The following TTN variants were observed in gnomAD, a reference collection of about 807,000 sequenced individuals.
TTN encodes titin.
In TTN, 1,525 loss-of-function variants were observed where a neutral mutation model predicts 3,223.0. The ratio of observed to expected loss-of-function variants is 0.47; its 90% CI spans 0.45 to 0.49. The LOEUF (loss-of-function observed/expected upper bound fraction) is 0.49. Among genes scored for constraint, TTN ranks in the 20% least tolerant of loss-of-function variants. The pLI is 0.00. For synonymous variants in TTN, 14,094 were observed against 15,161.0 expected (o/e 0.93, Z 5.17); for missense variants, 40,786 against 43,424.0 (o/e 0.94, Z 5.40).
In TTN at chr2:178,583,851, G is replaced by C. The variant is rs779897187; in HGVS notation, c.65331C>G (p.Ile21777Met). Residue 21777 changes from isoleucine (I) to methionine (M), a missense_variant, in exon 312 of 363, where the codon ATC (isoleucine) becomes ATG (methionine). Transcript: ENST00000589042. ...CTCCATCATGCTTTGGACGAGCCCA[G>C]ATCAGAGATACAGTACTCTTGGTGA... is the stretch of plus-strand genomic sequence containing the variant. Reference protein sequence around the residue: ...IDVTKSTVSLIWARPKHDGGS... With the variant: ...IDVTKSTVSLMWARPKHDGGS... The C allele has an allele frequency of 6.2e-7, 1 of 1,608,378 alleles. No homozygotes were observed. Among genetic ancestry groups the C allele is most frequent in the South Asian group, 1.1e-5 (1 of 89,968 alleles).
At position 178,536,085 on chromosome 2, in the gene TTN, C is replaced by CTGG; in HGVS notation, c.100659_100661dup (p.His33553dup). The CTGG allele has an allele frequency of 1.2e-6, 2 of 1,610,058 alleles. No individual in the cohort carries two copies. The highest frequency in any genetic ancestry group is 1.7e-6 in the Non-Finnish European group (2 of 1,177,086). ...CATCTGTGACACTTGCAATGATGAG[C>CTGG]TGGTGGTAGCCACCCTTAAATTCTT... On this transcript the variant is annotated inframe_insertion, in exon 357 of 363. Coordinates refer to ENST00000589042, the MANE Select transcript of TTN (RefSeq NM_001267550.2).
intron 49 of TTN, chr2:178,737,380 A>C (rs1264557091): frequency 6.6e-6 from 1 of 151,846 alleles, no homozygotes; most frequent in African/African-American, 2.4e-5. Flanking sequence ...GGCTTACTGC[A>C]ACCTCTGCCT....
Position 178,704,771 on chromosome 2 carries a change from T to C in TTN, c.29701A>G (p.Thr9901Ala). The C allele has an allele frequency of 1.2e-6, 2 of 1,609,480 alleles. No homozygotes were observed. The highest frequency in any genetic ancestry group is 1.7e-6 in the Non-Finnish European group (2 of 1,178,808). The change falls in exon 105 of 363, where the codon ACT becomes GCT. Residue 9901 changes from threonine to alanine, a missense_variant. Thr to Ala is a moderately conservative substitution (Grantham distance 58). Transcript: ENST00000589042. ...QQRLSQTEPVTLIKDIENQTV... is the reference protein window; with the variant it reads ...QQRLSQTEPVALIKDIENQTV... Reference sequence around the variant, plus strand: ...TGATTTTCAATGTCCTTGATCAGAGTGACAGGCTAGGAGAATAAAGAATTA... The same window carrying C: ...TGATTTTCAATGTCCTTGATCAGAGCGACAGGCTAGGAGAATAAAGAATTA...
chr2:178,646,625 A>G (rs1451426849), intron 215 of TTN, 66 bp from the exon 216 acceptor site: 1 of 884,528 alleles, frequency 1.1e-6, no homozygotes. Flanking sequence ...ACTCATACAA[A>G]TTTCACATTG....
Position 178,748,695 on chromosome 2 carries a change from C to A in TTN, c.11311+4429G>T, listed in dbSNP as rs372994805. The A allele has an allele frequency of 1.9e-6, 3 of 1,612,554 alleles. No homozygotes were observed. The highest frequency in any genetic ancestry group is 2.5e-6 in the Non-Finnish European group (3 of 1,179,264). On this transcript the variant is annotated intron_variant, in intron 47 of 362. Coordinates refer to ENST00000589042, the MANE Select transcript of TTN (RefSeq NM_001267550.2). ...TTTAAGTCAAATGTAATAGGTGATT[C>A]ATGTTCAGCTCTTTTAGAAATTGCA...
rs2051400196 is a variant in TTN at position 178,595,787 on chromosome 2, T to TTCCAG, written c.57566_57567insCTGGA (p.Pro19190TrpfsTer5). 6.2e-7 allele frequency: 1 copy of TTCCAG among 1,605,262 alleles called. No homozygotes were observed. The highest frequency in any genetic ancestry group is 1.7e-5 in the Admixed American group (1 of 58,860). ...TGGTTAGGTTGTGAGCTAGGAATGG[T>TTCCAG]GTTCCAACGGGACCTGGAACATCTG... On this transcript the variant is annotated frameshift_variant, in exon 295 of 363. Transcript: ENST00000589042. LOFTEE classifies it high-confidence loss of function.
intron 6 of TTN, chr2:178,799,039 C>T (rs2093913443): frequency 5.6e-6 from 1 of 180,034 alleles, no homozygotes; most frequent in Non-Finnish European, 1.2e-5. Flanking sequence ...TATTCAGTAA[C>T]TTCTTGGTTT....
At chr2:178,715,867 T>C in intron 88 of TTN, 93 bp from the exon 89 acceptor site, 1 of 1,310,720 alleles carries the variant, frequency 7.6e-7, no homozygotes, top group Non-Finnish European at 1.0e-6. Context: ...GCTAGAGAGG[T>C]CTTTAGCTCT....
chr2:178,693,860 A>G, intron 118 of TTN, 62 bp downstream of exon 118: 2 of 1,439,914 alleles, frequency 1.4e-6, no homozygotes, highest in Non-Finnish European at 1.9e-6. Context: ...AGACAACAAG[A>G]GGGATAAAAA....
At chr2:178,674,255 C>A in intron 151 of TTN, 59 bp downstream of exon 151, 1 of 989,286 alleles carries the variant, frequency 1.0e-6, no homozygotes. Flanking sequence ...GATTTAGCTA[C>A]TGAGAAAGAT....
At chr2:178,790,356 C>T (rs963360693) in intron 11 of TTN, among the ~76,000 whole-genome samples, 6 of 152,134 alleles carry the variant, frequency 3.9e-5, no homozygotes, top group African/African-American at 1.2e-4. Flanking sequence ...CTAATGAGTG[C>T]TATTTTGTAC....
intron 13 of TTN, among the ~76,000 whole-genome samples, chr2:178,788,176 C>T (rs2093307223): frequency 6.6e-6 from 1 of 152,054 alleles, no homozygotes; most frequent in Non-Finnish European, 1.5e-5. Flanking sequence ...TCCATAGCAT[C>T]AGTTTTCATC....
chr2:178,696,454 A>T (rs2073744661), intron 113 of TTN, among the ~76,000 whole-genome samples, 185 bp from the exon 114 acceptor site: 1 of 150,984 alleles, frequency 6.6e-6, no homozygotes, highest in Non-Finnish European at 1.5e-5. Context: ...ATCAAGATGC[A>T]TTCTACTCTT....
At position 178,548,276 on chromosome 2, in the gene TTN, G is replaced by A. The variant is rs1185315737; in HGVS notation, c.93350C>T (p.Pro31117Leu). 5 of 1,613,732 alleles carry A rather than the reference G, an allele frequency of 3.1e-6. No homozygotes were observed. The highest frequency in any genetic ancestry group is 4.2e-6 in the Non-Finnish European group (5 of 1,179,822). Residue 31117 changes from proline to leucine, a missense_variant, in exon 339 of 363, where the codon CCT becomes CTT. Coordinates refer to ENST00000589042, the MANE Select transcript of TTN (RefSeq NM_001267550.2). The surrounding 1 kb of genome is among the most constrained non-coding windows in gnomAD (Gnocchi z 4.3). ...PIVATEQPAPPRRLDVVDTSK... is the reference protein window; with the variant it reads ...PIVATEQPAPLRRLDVVDTSK... The stretch of plus-strand genomic sequence containing the variant: ...AGTATCAACAACATCAAGTCTCCTA[G>A]GTGGAGCAGGCTGTTCTGTGGCTAC...
intron 151 of TTN, 47 bp from the exon 152 acceptor site, chr2:178,673,757 C>A (rs775945776): frequency 1.5e-6 from 2 of 1,319,770 alleles, no homozygotes; most frequent in Non-Finnish European, 2.1e-6. Context: ...ATGTGATGAG[C>A]AGAACACCAC....
chr2:178,736,760 C>T (rs188929806), intron 49 of TTN, among the ~76,000 whole-genome samples: 72 of 152,208 alleles, frequency 4.7e-4, no homozygotes, highest in Non-Finnish European at 8.5e-4. Flanking sequence ...AAGAAACTTC[C>T]AAACGCGTCA....
At position 178,615,290 on chromosome 2, in the gene TTN, C is replaced by A. The variant is rs939726290; in HGVS notation, c.48638+17G>T. ...CTAGGAGTACACATTTACTCTCATG[C>A]CAAATTAAAAACCTACTTTGTTTCT... On this transcript the variant is annotated intron_variant, in intron 259 of 362. Coordinates refer to ENST00000589042, the MANE Select transcript of TTN (RefSeq NM_001267550.2). The A allele has an allele frequency of 1.9e-6, 3 of 1,611,448 alleles. No homozygotes were observed. Among genetic ancestry groups the A allele is most frequent in the Middle Eastern group, 3.3e-4 (2 of 6,062 alleles).
In TTN at chr2:178,608,802, G is replaced by C; in HGVS notation, c.52209C>G (p.Asn17403Lys). Residue 17403 changes from asparagine to lysine, a missense_variant, in exon 274 of 363, where the codon AAC becomes AAG. Transcript: ENST00000589042. ...TCTTGTCTTTCTTTTCCAAAGTGTAGTTTATGATTTCACTGCCACCATCAT... is the reference window on the plus strand; with the variant it reads ...TCTTGTCTTTCTTTTCCAAAGTGTACTTTATGATTTCACTGCCACCATCAT... ...PLDDGGSEII[N>K]YTLEKKDKTK... The C allele has an allele frequency of 1.2e-6, 2 of 1,612,560 alleles. No homozygotes were observed. The highest frequency in any genetic ancestry group is 8.5e-7 in the Non-Finnish European group (1 of 1,179,240).
At chr2:178,639,252 C>T (rs1035960526) in intron 223 of TTN, among the ~76,000 whole-genome samples, 1 of 151,898 alleles carries the variant, frequency 6.6e-6, no homozygotes, top group Admixed American at 6.6e-5. Context: ...CAATATTGTA[C>T]AACCATCAAC....
Sources: gnomAD v4.1 joint callset for allele counts (sites outside exome capture counted in the v4.1 genomes callset) on GRCh38, gnomAD v4.1.1 for gene constraint, Gnocchi (gnomAD v3.1) non-coding constraint, MANE v1.5 for transcripts, NCBI Gene and HGNC (gene_info 2026-07-23, HGNC 2026-07-21) for gene names.